CRPPA: variants seen among roughly 807,000 people sequenced by gnomAD.
CRPPA encodes the protein D-ribitol-5-phosphate cytidylyltransferase.
Under a neutral mutation model 52.0 loss-of-function variants are expected in CRPPA, and 43 were observed. The observed-to-expected ratio is 0.83, with a 90% CI of 0.65 to 1.07. CRPPA has a LOEUF of 1.07. CRPPA is among the 50% of genes least tolerant of loss of function. CRPPA has a pLI of 0.00. For synonymous variants in CRPPA, 250 were observed against 203.5 expected (o/e 1.23, Z -1.94); for missense variants, 629 against 551.7 (o/e 1.14, Z -1.40).
intron 8 of CRPPA, among the ~76,000 whole-genome samples, chr7:16,240,572 T>TACACACACACAC (rs71549978): frequency 0.013 from 1,985 of 148,108 alleles, 44 homozygotes; most frequent in African/African-American, 0.042. Flanking sequence ...TTATTACACA[T>TACACACACACAC]ACACACACAC....
chr7:16,266,621 G>C (rs532465143), intron 6 of CRPPA, among the ~76,000 whole-genome samples: 1 of 152,038 alleles, frequency 6.6e-6, no homozygotes, highest in African/African-American at 2.4e-5. Context: ...TGGGATTACA[G>C]GTGCTCACCA....
At chr7:16,335,154 C>CAAAA (rs60632334) in intron 3 of CRPPA, among the ~76,000 whole-genome samples, 211 of 93,732 alleles carry the variant, frequency 2.3e-3, no homozygotes, top group East Asian at 4.3e-3. Flanking sequence ...CCCATCTCTA[C>CAAAA]AAAAAAAAAA....
intron 9 of CRPPA, among the ~76,000 whole-genome samples, chr7:16,181,039 T>TA (rs1026864593): frequency 5.3e-5 from 8 of 151,960 alleles, no homozygotes; most frequent in South Asian, 2.1e-4. Flanking sequence ...ACAATGTTTG[T>TA]AAAAAAAGCC....
At chr7:16,331,958 A>T (rs977710653) in intron 3 of CRPPA, among the ~76,000 whole-genome samples, 8 of 152,226 alleles carry the variant, frequency 5.3e-5, no homozygotes, top group African/African-American at 1.9e-4. Flanking sequence ...AAATTAATGT[A>T]AGATAGCAAA....
chr7:16,213,123 C>CT (rs1782196683), intron 9 of CRPPA, among the ~76,000 whole-genome samples: 1 of 152,168 alleles, frequency 6.6e-6, no homozygotes, highest in Admixed American at 6.5e-5. Context: ...ACTACACACT[C>CT]TAAGCTATTG....
chr7:16,402,262 A>G (rs1000494727), intron 2 of CRPPA, among the ~76,000 whole-genome samples: 1 of 152,180 alleles, frequency 6.6e-6, no homozygotes, highest in Non-Finnish European at 1.5e-5. Flanking sequence ...GTGAGTTTGG[A>G]GTTTCATTTA....
chr7:16,330,047 G>T (rs1785511242), intron 3 of CRPPA, among the ~76,000 whole-genome samples: 1 of 152,284 alleles, frequency 6.6e-6, no homozygotes, highest in East Asian at 1.9e-4. Flanking sequence ...TTGCTTTCTT[G>T]TAAGTGATAA....
chr7:16,236,276 G>T (rs1293059990), intron 8 of CRPPA, among the ~76,000 whole-genome samples: 3 of 152,034 alleles, frequency 2.0e-5, no homozygotes, highest in African/African-American at 7.2e-5. Flanking sequence ...GGTGACTTTA[G>T]CCTGTCCTAC....
chr7:16,376,233 T>TCC lies in CRPPA; in HGVS notation c.541_542dup (p.Ala182GlufsTer19). 1 of 1,599,338 alleles carries TCC rather than the reference T, an allele frequency of 6.3e-7. No homozygotes were observed. Among genetic ancestry groups the TCC allele is most frequent in the Non-Finnish European group, 8.5e-7 (1 of 1,174,502 alleles). ...CAGTAGATACAAGAGGTCGAATGGC[T>TCC]CCTGCTGCCTGAAGAACAAAGAGGC... is the stretch of plus-strand genomic sequence containing the variant. On this transcript the variant is annotated frameshift_variant, in exon 3 of 10. Coordinates refer to ENST00000407010, the MANE Select transcript of CRPPA (RefSeq NM_001101426.4). LOFTEE classifies it high-confidence loss of function.
rs533155022 is a variant in CRPPA, at chr7:16,385,501, G to C, written c.535-9260C>G. 4.2e-4 allele frequency among the ~76,000 whole-genome samples: 64 copies of C among 152,228 alleles called. No homozygotes were observed. In the South Asian group the frequency reaches 0.012, roughly 30 times the overall value. ...GGCAGTGGGGTAATAGTCACTAATA[G>C]GAAAAATATCTCATATCCAGCAAAA... On this transcript the variant is annotated intron_variant, in intron 2 of 9. Transcript: ENST00000407010.
Position 16,091,799 on chromosome 7 carries a change from C to T in CRPPA, c.1252G>A (p.Asp418Asn). 1.3e-6 allele frequency: 2 copies of T among 1,481,726 alleles called. No homozygotes were observed. Among genetic ancestry groups the T allele is most frequent in the Non-Finnish European group, 1.8e-6 (2 of 1,106,536 alleles). 91.8% of individuals were successfully genotyped at this position (1,481,726 alleles called of 1,614,324 possible). A position where few individuals can be genotyped will look rare whatever the true frequency, so the allele number is the denominator to read the frequency against. ...LYGLLISYPQ[D>N]DQKLQESLRQ... The stretch of plus-strand genomic sequence containing the variant: ...AAACTCTCCTGTAGCTTCTGATCAT[C>T]CTGAAAAGAAAGGATAAACCAGTAA... Residue 418 changes from aspartate (D) to asparagine (N), a missense_variant and splice_region_variant, in exon 10 of 10, where the codon GAT becomes AAT. Asp to Asn is a conservative substitution (Grantham distance 23, BLOSUM62 1). Transcript: ENST00000407010.
intron 4 of CRPPA, among the ~76,000 whole-genome samples, chr7:16,305,042 G>A (rs1204134824): frequency 1.3e-5 from 2 of 152,072 alleles, no homozygotes; most frequent in East Asian, 3.9e-4. Flanking sequence ...GTAGAATTAG[G>A]ACACTAATTT....
intron 3 of CRPPA, among the ~76,000 whole-genome samples, chr7:16,321,216 T>C: frequency 6.6e-6 from 1 of 152,266 alleles, no homozygotes; most frequent in East Asian, 1.9e-4. Context: ...ATGTTATCAG[T>C]AACCCTATAA....
At chr7:16,353,818 C>A (rs1425318733) in intron 3 of CRPPA, among the ~76,000 whole-genome samples, 8 of 151,512 alleles carry the variant, frequency 5.3e-5, no homozygotes, top group Admixed American at 5.3e-4. Flanking sequence ...CCACTGCACT[C>A]CAGCCTGGAT....
chr7:16,402,046 C>A (rs1024428814), intron 2 of CRPPA, among the ~76,000 whole-genome samples: 1 of 152,098 alleles, frequency 6.6e-6, no homozygotes, highest in Non-Finnish European at 1.5e-5. Context: ...GGACTAAGAC[C>A]TTGAGCGTGT....
intron 2 of CRPPA, among the ~76,000 whole-genome samples, chr7:16,382,612 G>A (rs1370566653): frequency 1.1e-4 from 17 of 152,050 alleles, no homozygotes; most frequent in South Asian, 1.0e-3. Context: ...CATTCTCCCC[G>A]TCACTTTCAG....
At chr7:16,352,224 G>A (rs766906062) in intron 3 of CRPPA, among the ~76,000 whole-genome samples, 20 of 151,884 alleles carry the variant, frequency 1.3e-4, no homozygotes, top group East Asian at 3.9e-4. Flanking sequence ...GAGAACACAT[G>A]GACACAGGGG....
intron 9 of CRPPA, among the ~76,000 whole-genome samples, chr7:16,179,482 G>A (rs1781368984): frequency 6.6e-6 from 1 of 152,010 alleles, no homozygotes; most frequent in African/African-American, 2.4e-5. Flanking sequence ...CTTATAAAAG[G>A]GAGGTAGATG....
rs886043968 is a variant in CRPPA, at chr7:16,421,306, G to C, written c.17C>G (p.Pro6Arg). The change falls in exon 1 of 10, where the codon CCG becomes CGG. Residue 6 changes from proline (P) to arginine (R), a missense_variant. Transcript: ENST00000407010. ...CGGCTCCGCCGGCCTGGCGCTGCCC[G>C]GCGGCCCGGCCTCCATGGCTGCGGG... Reference protein sequence around the residue: MEAGPPGSARPAEPGP... With the variant: MEAGPRGSARPAEPGP... 7.9e-7 allele frequency: 1 copy of C among 1,261,864 alleles called. No homozygotes were observed. The highest frequency in any genetic ancestry group is 1.0e-6 in the Non-Finnish European group (1 of 999,206). The allele number at this position is 1,261,864 out of a possible 1,614,324, so 78.2% of individuals were successfully genotyped here. A position where few individuals can be genotyped will look rare whatever the true frequency, so the allele number is the denominator to read the frequency against.
Sources: gnomAD v4.1 joint callset for allele counts (sites outside exome capture counted in the v4.1 genomes callset) on GRCh38, gnomAD v4.1.1 for gene constraint, MANE v1.5 for transcripts, NCBI Gene and HGNC (gene_info 2026-07-23, HGNC 2026-07-21) for gene names.